PXT1: variants seen among roughly 807,000 people sequenced by gnomAD.
PXT1 encodes the protein peroxisomal testis enriched protein 1, also known as peroxisomal testis-specific protein 1.
In PXT1, 11 loss-of-function variants were observed where a neutral mutation model predicts 11.0. The ratio of observed to expected loss-of-function variants is 1.00; its 90% CI spans 0.63 to 1.66. The LOEUF is 1.66. Ranked by LOEUF, PXT1 falls within the 40% of genes most tolerant of loss-of-function variation. PXT1 has a pLI of 0.00. For missense variants in PXT1, 141 were observed against 155.5 expected (o/e 0.91, Z 0.49); for synonymous variants, 43 against 51.4 (o/e 0.84, Z 0.70).
At chr6:36,416,932 T>A (rs951117478) in intron 3 of PXT1, among the ~76,000 whole-genome samples, 3 of 152,174 alleles carry the variant, frequency 2.0e-5, no homozygotes, top group African/African-American at 7.2e-5. Context: ...GAAGAAGACA[T>A]GGAAGTTAGT....
chr6:36,425,805 A>AAACAAACAAACAAAAAAAATAT (rs1554154141), intron 3 of PXT1, 109 bp downstream of exon 3: 9 of 321,506 alleles, frequency 2.8e-5, no homozygotes, highest in African/African-American at 2.1e-4. Flanking sequence ...AAAAACAAAA[A>AAACAAACAAACAAAAAAAATAT]ATATATATAT....
intron 3 of PXT1, among the ~76,000 whole-genome samples, chr6:36,401,264 A>T (rs552612748): frequency 8.5e-5 from 13 of 152,210 alleles, no homozygotes; most frequent in African/African-American, 3.1e-4. Context: ...TACTTATAGG[A>T]CACCTCAATT....
Position 36,400,500 on chromosome 6 carries a change from T to G in PXT1, c.254A>C (p.Gln85Pro), listed in dbSNP as rs769027266. Reference protein sequence around the residue: ...QEEIIHKLAMQLRHIGDNIDH... With the variant: ...QEEIIHKLAMPLRHIGDNIDH... ...AATGTTGTCCCCAATGTGTCTCAGC[T>G]GCATGGCCAACTTGTGAATTATTTC... The change falls in exon 4 of 5, where the codon CAG (glutamine) becomes CCG (proline). Residue 85 changes from glutamine to proline, a missense_variant. Coordinates refer to ENST00000454782, the MANE Select transcript of PXT1 (RefSeq NM_152990.4). 2 of 1,613,964 alleles carry G rather than the reference T, an allele frequency of 1.2e-6. No homozygotes were observed. Among genetic ancestry groups the G allele is most frequent in the Non-Finnish European group, 1.7e-6 (2 of 1,179,958 alleles).
intron 2 of PXT1, among the ~76,000 whole-genome samples, chr6:36,432,265 C>G (rs116758459): frequency 0.014 from 2,081 of 152,024 alleles, 45 homozygotes; most frequent in African/African-American, 0.045. Flanking sequence ...TCCGGGAGAG[C>G]TGAACACCAA....
chr6:36,435,855 C>G (rs1414314810), intron 2 of PXT1, among the ~76,000 whole-genome samples: 2 of 152,040 alleles, frequency 1.3e-5, no homozygotes, highest in Non-Finnish European at 2.9e-5. Context: ...CTCACACTAA[C>G]AAACAAGTAA....
chr6:36,441,173 GAAGA>G (rs1172681426), intron 1 of PXT1, among the ~76,000 whole-genome samples: 2 of 151,770 alleles, frequency 1.3e-5, no homozygotes, highest in African/African-American at 4.8e-5. Context: ...TTCCAGAAAG[GAAGA>G]ATTTGTTTCA....
At chr6:36,425,198 C>A (rs976604797) in intron 3 of PXT1, among the ~76,000 whole-genome samples, 10 of 152,146 alleles carry the variant, frequency 6.6e-5, no homozygotes, top group Non-Finnish European at 1.5e-4. Flanking sequence ...CCAAATGTAT[C>A]TTTCCTTCAT....
chr6:36,429,021 C>G (rs577434086), intron 2 of PXT1, among the ~76,000 whole-genome samples: 5 of 151,722 alleles, frequency 3.3e-5, no homozygotes, highest in Admixed American at 3.3e-4. Flanking sequence ...AATCCCAGTA[C>G]TTTGGGAGGC....
intron 3 of PXT1, among the ~76,000 whole-genome samples, chr6:36,415,433 G>C (rs1270176437): frequency 6.6e-6 from 1 of 152,156 alleles, no homozygotes; most frequent in African/African-American, 2.4e-5. Context: ...GATGTAGTTA[G>C]ACTCTGTCTC....
intron 2 of PXT1, among the ~76,000 whole-genome samples, chr6:36,429,271 C>CAA (rs1204448264): frequency 1.4e-5 from 1 of 69,506 alleles, no homozygotes; most frequent in Non-Finnish European, 2.7e-5. Flanking sequence ...GACCCTGTCT[C>CAA]AAAAAAAAAA....
chr6:36,399,618 C>T (rs1233724093), intron 4 of PXT1, among the ~76,000 whole-genome samples: 1 of 152,126 alleles, frequency 6.6e-6, no homozygotes, highest in Non-Finnish European at 1.5e-5. Context: ...GAAGCTGCAC[C>T]AAGAAAGCTT....
intron 3 of PXT1, among the ~76,000 whole-genome samples, chr6:36,423,950 G>A (rs1341833397): frequency 1.3e-5 from 2 of 152,192 alleles, no homozygotes; most frequent in African/African-American, 2.4e-5. Flanking sequence ...CTAGTGGGTT[G>A]TTAACTCTAA....
chr6:36,404,098 T>C (rs1194288348), intron 3 of PXT1, among the ~76,000 whole-genome samples: 2 of 151,868 alleles, frequency 1.3e-5, no homozygotes, highest in African/African-American at 4.8e-5. Flanking sequence ...GGAACAAAAG[T>C]CCACAGAAAT....
chr6:36,442,456 T>C (rs1188809871), intron 1 of PXT1, 79 bp downstream of exon 1: 2 of 152,214 alleles, frequency 1.3e-5, no homozygotes, highest in African/African-American at 4.8e-5. Flanking sequence ...CTGAAATCTT[T>C]TACTCATAAC....
chr6:36,402,689 G>C (rs1774230513), intron 3 of PXT1, among the ~76,000 whole-genome samples: 1 of 152,184 alleles, frequency 6.6e-6, no homozygotes, highest in Non-Finnish European at 1.5e-5. Flanking sequence ...CAAAAGCTTG[G>C]GGGTGACAGA....
At chr6:36,392,587 G>C (rs1774085331) in intron 4 of PXT1, among the ~76,000 whole-genome samples, 1 of 152,114 alleles carries the variant, frequency 6.6e-6, no homozygotes, top group African/African-American at 2.4e-5. Flanking sequence ...CCTGAGCCTG[G>C]GAAGTTGAGG....
chr6:36,432,758 T>C (rs1240186120), intron 2 of PXT1, among the ~76,000 whole-genome samples: 1 of 152,110 alleles, frequency 6.6e-6, no homozygotes, highest in Admixed American at 6.5e-5. Context: ...TTTACTTCCA[T>C]AGGAAATGGG....
chr6:36,436,010 G>A lies in PXT1; in HGVS notation c.-10+2757C>T, dbSNP rs1774757051. On this transcript the variant is annotated intron_variant, in intron 2 of 4. Transcript: ENST00000454782. ...AGCAGGGATCCTGGAAAACAAGACT[G>A]TGCCATAAACTTTTTCAAAAAATAA... Among the ~76,000 whole-genome samples the A allele has an allele frequency of 7.3e-5, 11 of 150,486 alleles. No individual in the cohort carries two copies. In the Admixed American group the frequency reaches 7.4e-4, roughly 10 times the overall value.
At chr6:36,423,104 A>G (rs1291918037) in intron 3 of PXT1, among the ~76,000 whole-genome samples, 1 of 152,196 alleles carries the variant, frequency 6.6e-6, no homozygotes, top group African/African-American at 2.4e-5. Flanking sequence ...TTGTATGTGT[A>G]GAGCGCCCCC....
Sources: gnomAD v4.1 joint callset for allele counts (sites outside exome capture counted in the v4.1 genomes callset) on GRCh38, gnomAD v4.1.1 for gene constraint, MANE v1.5 for transcripts, NCBI Gene and HGNC (gene_info 2026-07-23, HGNC 2026-07-21) for gene names.